STX8: variants seen among roughly 807,000 people sequenced by gnomAD.
STX8 encodes the protein syntaxin-8.
A neutral mutation model predicts 37.5 loss-of-function variants in STX8; 23 were observed. The observed-to-expected ratio is 0.61, with a 90% CI of 0.44 to 0.87. STX8 has a LOEUF of 0.87. Among genes scored for constraint, STX8 ranks in the 40% least tolerant of loss-of-function variants. The probability of loss-of-function intolerance (pLI) is 0.00; values close to 1 mark genes in which losing one functional copy is unlikely to be tolerated. For synonymous variants in STX8, 115 were observed against 99.1 expected, an observed-to-expected ratio of 1.16 and a Z score of -0.95; for missense variants, 313 against 284.7, an observed-to-expected ratio of 1.10 and a Z score of -0.71.
chr17:9,324,765 CAAAAAAAAA>C (rs534392223), intron 7 of STX8, among the ~76,000 whole-genome samples: 3 of 45,944 alleles, frequency 6.5e-5, no homozygotes, highest in Non-Finnish European at 1.4e-4. Context: ...AACTCCATCT[CAAAAAAAAA>C]AAAAAAAAAA....
intron 5 of STX8, among the ~76,000 whole-genome samples, chr17:9,503,105 C>CAAAAAAAAAAAAAAA (rs61437085): frequency 2.4e-4 from 14 of 58,580 alleles, no homozygotes; most frequent in African/African-American, 9.8e-4. Flanking sequence ...GACTCTGTCT[C>CAAAAAAAAAAAAAAA]AAAAAAAAAA....
intron 6 of STX8, among the ~76,000 whole-genome samples, chr17:9,385,993 T>C (rs1183153061): frequency 2.0e-5 from 3 of 151,960 alleles, no homozygotes; most frequent in Non-Finnish European, 4.4e-5. Context: ...AGGCTGGTCT[T>C]GAACTCCTAA....
chr17:9,277,039 T>C (rs899774387), intron 7 of STX8, among the ~76,000 whole-genome samples: 7 of 150,310 alleles, frequency 4.7e-5, no homozygotes, highest in African/African-American at 1.7e-4. Context: ...CCTTGAACTC[T>C]TGGGCTCAAA....
intron 6 of STX8, among the ~76,000 whole-genome samples, chr17:9,417,487 C>A (rs553762551): frequency 6.6e-6 from 1 of 152,246 alleles, no homozygotes; most frequent in South Asian, 2.1e-4. Context: ...GTCCCCAGTT[C>A]CTGGCACAAA....
chr17:9,322,912 A>C (rs970908443), intron 7 of STX8, among the ~76,000 whole-genome samples: 9 of 151,486 alleles, frequency 5.9e-5, no homozygotes, highest in Admixed American at 2.6e-4. Flanking sequence ...AAAAAAAAAA[A>C]CACAAACACA....
In STX8 at chr17:9,368,329, T is replaced by C. The variant is rs140198243; in HGVS notation, c.643+10223A>G. On this transcript the variant is annotated intron_variant, in intron 7 of 7. Transcript: ENST00000306357. ...ACCATCCTGGCTAACACAGTGAAAC[T>C]CCGTCTCTACTAAAAATACAAAACA... 4.7e-3 allele frequency among the ~76,000 whole-genome samples: 709 copies of C among 151,886 alleles called. 2 individuals carry two copies. The highest frequency in any genetic ancestry group is 0.016 in the African/African-American group (679 of 41,424).
At chr17:9,347,967 C>T (rs1434344185) in intron 7 of STX8, among the ~76,000 whole-genome samples, 2 of 152,132 alleles carry the variant, frequency 1.3e-5, no homozygotes, top group Non-Finnish European at 2.9e-5. Context: ...TGGATTACTA[C>T]TTCATTCCTT....
At chr17:9,559,734 T>TTTTATATATATATATATATA (rs1555537461) in intron 2 of STX8, among the ~76,000 whole-genome samples, 1 of 48,750 alleles carries the variant, frequency 2.1e-5, no homozygotes, top group African/African-American at 7.1e-5. Flanking sequence ...TATTATTATT[T>TTTTATATATATATATATATA]TATATATATA....
intron 2 of STX8, among the ~76,000 whole-genome samples, chr17:9,567,603 T>C (rs1470598619): frequency 6.6e-6 from 1 of 152,258 alleles, no homozygotes; most frequent in Non-Finnish European, 1.5e-5. Context: ...TAGTCACAAG[T>C]ATAAACTTGT....
intron 6 of STX8, among the ~76,000 whole-genome samples, chr17:9,490,381 C>CT (rs61659165): frequency 0.66 from 100,696 of 151,508 alleles, 35,054 homozygotes; most frequent in Middle Eastern, 0.83. Flanking sequence ...GATAACTTTT[C>CT]TTTTTTTTGA....
chr17:9,541,247 A>G (rs1289688494), intron 4 of STX8, among the ~76,000 whole-genome samples: 3 of 152,216 alleles, frequency 2.0e-5, no homozygotes, highest in Non-Finnish European at 4.4e-5. Context: ...ATAAGACAAT[A>G]GGCAGCAAGC....
At chr17:9,475,123 G>T (rs1344751537) in intron 6 of STX8, among the ~76,000 whole-genome samples, 1 of 152,188 alleles carries the variant, frequency 6.6e-6, no homozygotes, top group Non-Finnish European at 1.5e-5. Context: ...AAGCACACAT[G>T]GTTGCCTCCT....
intron 3 of STX8, among the ~76,000 whole-genome samples, chr17:9,551,466 C>T (rs148225242): frequency 1.3e-5 from 2 of 152,274 alleles, no homozygotes; most frequent in Non-Finnish European, 2.9e-5. Context: ...AGCTAATCCT[C>T]AAGGAGGACT....
At chr17:9,352,486 G>A (rs1173836859) in intron 7 of STX8, among the ~76,000 whole-genome samples, 2 of 42,060 alleles carry the variant, frequency 4.8e-5, no homozygotes, top group African/African-American at 2.1e-4. Flanking sequence ...TTTTTTTTTT[G>A]AGACGGAGTC....
intron 7 of STX8, among the ~76,000 whole-genome samples, chr17:9,340,406 T>C (rs1470980033): frequency 2.0e-5 from 3 of 152,336 alleles, no homozygotes; most frequent in East Asian, 3.8e-4. Context: ...AATTAGAAGA[T>C]ATTAAAGGCA....
intron 7 of STX8, among the ~76,000 whole-genome samples, chr17:9,350,310 G>T (rs1469415661): frequency 1.3e-5 from 2 of 152,228 alleles, no homozygotes; most frequent in African/African-American, 4.8e-5. Context: ...CTTATGAATT[G>T]TTTACTTCTG....
At chr17:9,294,012 G>A (rs778368741) in intron 7 of STX8, among the ~76,000 whole-genome samples, 7 of 152,004 alleles carry the variant, frequency 4.6e-5, no homozygotes, top group Admixed American at 6.6e-5. Flanking sequence ...TGATCTGCCC[G>A]TCTCGGCCTC....
intron 6 of STX8, among the ~76,000 whole-genome samples, chr17:9,467,861 T>A (rs763067866): frequency 7.9e-5 from 12 of 152,186 alleles, no homozygotes; most frequent in Non-Finnish European, 1.6e-4. Flanking sequence ...CCCACTATTT[T>A]TACAAATGTT....
chr17:9,565,612 C>CAA lies in STX8; in HGVS notation c.117+2757_117+2758dup, dbSNP rs61319674. 1.3e-3 allele frequency among the ~76,000 whole-genome samples: 98 copies of CAA among 72,652 alleles called. 1 individual carries two copies. The highest frequency in any genetic ancestry group is 4.3e-3 in the African/African-American group (89 of 20,494). The allele number at this position is 72,652 out of a possible 152,430, so 47.7% of individuals were successfully genotyped here. A position where few individuals can be genotyped will look rare whatever the true frequency, so the allele number is the denominator to read the frequency against. ...GCCTAGGTGAGAAGAAACACCGTCT[C>CAA]AAAAAAAAAAAAAAAAAAAAAATAG... On this transcript the variant is annotated intron_variant, in intron 2 of 7. Coordinates refer to ENST00000306357, the MANE Select transcript of STX8 (RefSeq NM_004853.3).
Sources: gnomAD v4.1 joint callset for allele counts (sites outside exome capture counted in the v4.1 genomes callset) on GRCh38, gnomAD v4.1.1 for gene constraint, MANE v1.5 for transcripts, NCBI Gene and HGNC (gene_info 2026-07-23, HGNC 2026-07-21) for gene names.